The following ANGEL2 variants were observed in gnomAD, a reference collection of about 807,000 sequenced individuals.
The protein encoded by ANGEL2 is RNA 2',3'-cyclic phosphatase ANGEL2.
A neutral mutation model predicts 66.0 loss-of-function variants in ANGEL2; 41 were observed. That is an observed-to-expected ratio of 0.62 (90% CI 0.48 to 0.81). The LOEUF is 0.81. Ranked by LOEUF, ANGEL2 falls within the 30% of genes least tolerant of loss-of-function variation. The pLI, the probability that ANGEL2 is intolerant of heterozygous loss-of-function variation, is 0.00. For synonymous variants in ANGEL2, 208 were observed against 226.5 expected (o/e 0.92, Z 0.73); for missense variants, 561 against 641.6 (o/e 0.87, Z 1.36).
chr1:212,996,636 AAAAAATATATATAT>A (rs2076021457), intron 8 of ANGEL2, among the ~76,000 whole-genome samples: 2 of 41,948 alleles, frequency 4.8e-5, no homozygotes, highest in Admixed American at 8.0e-4. Context: ...AAAAAAAAAA[AAAAAATATATATAT>A]ATATATATAT....
rs2102681882 is a variant in ANGEL2 at position 212,994,392 on chromosome 1, G to C, written c.*649C>G. 6.6e-6 allele frequency: 1 copy of C among 152,332 alleles called. No individual in the cohort carries two copies. The highest frequency in any genetic ancestry group is 2.4e-5 in the African/African-American group (1 of 41,574). 9.4% of individuals were successfully genotyped at this position (152,332 alleles called of 1,614,324 possible). On this transcript the variant is annotated 3_prime_UTR_variant, in exon 9 of 9. Coordinates refer to ENST00000366962, the MANE Select transcript of ANGEL2 (RefSeq NM_144567.5). ...ACCTCTTGTCTGTTCCAGGGTGAAA[G>C]AGTGAGCTTTACACGTTATGCTGGC...
intron 1 of ANGEL2, 133 bp downstream of exon 1, chr1:213,015,480 T>G: frequency 6.8e-7 from 1 of 1,473,260 alleles, no homozygotes; most frequent in South Asian, 1.4e-5. Context: ...GGATGCACCA[T>G]CGCCCAGACC....
intron 5 of ANGEL2, among the ~76,000 whole-genome samples, chr1:213,002,462 T>A (rs2076202509): frequency 6.6e-6 from 1 of 152,230 alleles, no homozygotes; most frequent in Admixed American, 6.5e-5. Flanking sequence ...CCTAGGATTT[T>A]CAGAATGGTC....
Position 213,008,247 on chromosome 1 carries a change from G to A in ANGEL2, c.605C>T (p.Pro202Leu). Residue 202 changes from proline to leucine, a missense_variant, in exon 3 of 9, where the codon CCC becomes CTC. Pro to Leu is a moderately conservative substitution (Grantham distance 98, BLOSUM62 -3). Coordinates refer to ENST00000366962, the MANE Select transcript of ANGEL2 (RefSeq NM_144567.5). ...ATGTTTAATTTCTTTCAGAATATTG[G>A]GAAACCTAAAACTCCAGTGTAATAC... is the stretch of plus-strand genomic sequence containing the variant. ...RPVLHWSFRFPNILKEIKHFD... is the reference protein window; with the variant it reads ...RPVLHWSFRFLNILKEIKHFD... 6.2e-7 allele frequency: 1 copy of A among 1,613,680 alleles called. No homozygotes were observed. The highest frequency in any genetic ancestry group is 8.5e-7 in the Non-Finnish European group (1 of 1,179,832).
At chr1:213,014,519 G>A (rs1229041320) in intron 1 of ANGEL2, among the ~76,000 whole-genome samples, 2 of 152,208 alleles carry the variant, frequency 1.3e-5, no homozygotes, top group Admixed American at 1.3e-4. Flanking sequence ...AACTCTGAAA[G>A]CCATAGGAAT....
chr1:212,995,178 A>G lies in ANGEL2; in HGVS notation c.1498T>C (p.Leu500=), dbSNP rs780560284. Residue 500 remains leucine (L), a synonymous_variant, in exon 9 of 9, where the codon TTG becomes CTG. Coordinates refer to ENST00000366962, the MANE Select transcript of ANGEL2 (RefSeq NM_144567.5). ...GCTAGAAGTTTCAAGCCACCAACCA[A>G]AGCAACTTCAGCTCCTACATTAAAG... is the stretch of plus-strand genomic sequence containing the variant. ...VAGHPGAEVA[L]VGGLKLLARL... 6.2e-7 allele frequency: 1 copy of G among 1,604,416 alleles called. No individual in the cohort carries two copies. The highest frequency in any genetic ancestry group is 1.1e-5 in the South Asian group (1 of 89,186).
intron 8 of ANGEL2, among the ~76,000 whole-genome samples, chr1:212,996,868 AG>A (rs1231969143): frequency 6.6e-6 from 1 of 151,858 alleles, no homozygotes; most frequent in Admixed American, 6.6e-5. Flanking sequence ...GCAAAAAGAA[AG>A]GGCAATATGA....
intron 7 of ANGEL2, among the ~76,000 whole-genome samples, chr1:212,997,538 CAAT>C (rs1315541248): frequency 6.6e-6 from 1 of 152,142 alleles, no homozygotes. Flanking sequence ...AAAAAAAGCT[CAAT>C]AATTAACATA....
In ANGEL2 at chr1:213,005,334, A is replaced by G. The variant is rs991778465; in HGVS notation, c.833T>C (p.Ile278Thr). 14 of 1,614,272 alleles carry G rather than the reference A, an allele frequency of 8.7e-6. No homozygotes were observed. The East Asian group carries it at 2.0e-4, about 23-fold the overall frequency. ...VNPVEFFRPD[I>T]SLLDRDNVGL... ...AACATTGTCTCTGTCCAACAGAGAA[A>G]TATCAGGGCGGAAGAATTCCACTGG... Residue 278 changes from isoleucine (I) to threonine (T), a missense_variant, in exon 5 of 9, where the codon ATT becomes ACT. Ile to Thr is a moderately conservative substitution (Grantham distance 89, BLOSUM62 -1). Coordinates refer to ENST00000366962, the MANE Select transcript of ANGEL2 (RefSeq NM_144567.5).
chr1:213,015,380 C>T, intron 1 of ANGEL2: 1 of 1,414,006 alleles, frequency 7.1e-7, no homozygotes, highest in Non-Finnish European at 9.2e-7. Flanking sequence ...CCATGAACTC[C>T]GCGCCAAGAC....
At chr1:213,015,003 T>C (rs1026004229) in intron 1 of ANGEL2, 1 of 464,136 alleles carries the variant, frequency 2.2e-6, no homozygotes, top group Admixed American at 6.4e-5. Flanking sequence ...GTGAAGCTAA[T>C]GTGGGCAGCA....
Position 213,013,154 on chromosome 1 carries a change from G to A in ANGEL2, c.324C>T (p.Leu108=), listed in dbSNP as rs368220478. Residue 108 remains leucine (L), a synonymous_variant, in exon 2 of 9, where the codon CTC becomes CTT. Coordinates refer to ENST00000366962, the MANE Select transcript of ANGEL2 (RefSeq NM_144567.5). ...DNLSQTSLIH[L]SSYVMNAEGD... ...CCTCAGCGTTCATGACGTAACTAGA[G>A]AGATGAATCAAAGATGTCTGGCTCA... The A allele has an allele frequency of 6.2e-7, 1 of 1,614,158 alleles. No individual in the cohort carries two copies. Among genetic ancestry groups the A allele is most frequent in the Non-Finnish European group, 8.5e-7 (1 of 1,180,016 alleles).
At position 213,015,749 on chromosome 1, in the gene ANGEL2, T is replaced by C. The variant is rs1244632440; in HGVS notation, c.-78A>G. ...CTATAATCGATGCGACGGCCTAAAG[T>C]ATCTAGGGAACCCCATCACTCTTAA... is the stretch of plus-strand genomic sequence containing the variant. On this transcript the variant is annotated 5_prime_UTR_variant, in exon 1 of 9. In the 5' UTR this introduces an upstream ATG that the reference lacks. Transcript: ENST00000366962. 4 of 1,596,482 alleles carry C rather than the reference T, an allele frequency of 2.5e-6. No homozygotes were observed. In the African/African-American group the frequency reaches 4.0e-5, roughly 16 times the overall value.
chr1:213,013,815 A>G (rs1013817387), intron 1 of ANGEL2, among the ~76,000 whole-genome samples: 5 of 152,268 alleles, frequency 3.3e-5, no homozygotes, highest in African/African-American at 1.2e-4. Context: ...TAAGGAACTC[A>G]TATCACACTA....
rs1192278866 is a variant in ANGEL2, at chr1:213,015,613, C to T, written c.59G>A (p.Arg20Gln). The T allele has an allele frequency of 6.2e-6, 10 of 1,613,652 alleles. No homozygotes were observed. Among genetic ancestry groups the T allele is most frequent in the Admixed American group, 1.7e-5 (1 of 59,968 alleles). Residue 20 changes from arginine (R) to glutamine (Q), a missense_variant and splice_region_variant, in exon 1 of 9, where the codon CGA becomes CAA. By Grantham distance (43) the Arg-to-Gln change is conservative (BLOSUM62 1). Coordinates refer to ENST00000366962, the MANE Select transcript of ANGEL2 (RefSeq NM_144567.5). Reference sequence around the variant, plus strand: ...CCTCCGAGTACCCAGCCCTACTGACCGGCCTCTTCCCACCACACAGTGGCC... The same window carrying T: ...CCTCCGAGTACCCAGCCCTACTGACTGGCCTCTTCCCACCACACAGTGGCC... Reference protein sequence around the residue: ...GYGHCVVGRGRYPMFPHHSRS... With the variant: ...GYGHCVVGRGQYPMFPHHSRS...
chr1:213,015,776 T>G lies in ANGEL2; in HGVS notation c.-105A>C. ...TCTAGGGAACCCCATCACTCTTAAG[T>G]ACCGACTCCAGTCCTGGCTGCAAGG... is the stretch of plus-strand genomic sequence containing the variant. On this transcript the variant is annotated 5_prime_UTR_variant, in exon 1 of 9. Coordinates refer to ENST00000366962, the MANE Select transcript of ANGEL2 (RefSeq NM_144567.5). 5 of 1,470,844 alleles carry G rather than the reference T, an allele frequency of 3.4e-6. No individual in the cohort carries two copies. The highest frequency in any genetic ancestry group is 4.7e-6 in the Non-Finnish European group (5 of 1,060,822). The allele number at this position is 1,470,844 out of a possible 1,614,324, so 91.1% of individuals were successfully genotyped here. A position where few individuals can be genotyped will look rare whatever the true frequency, so the allele number is the denominator to read the frequency against.
intron 7 of ANGEL2, among the ~76,000 whole-genome samples, chr1:212,999,061 A>G (rs113033907): frequency 0.036 from 5,487 of 151,448 alleles, 303 homozygotes; most frequent in African/African-American, 0.13. Flanking sequence ...TTTAGTAAAG[A>G]TGGGGTTTCA....
Position 213,015,258 on chromosome 1 carries a change from T to C in ANGEL2, c.59+355A>G, listed in dbSNP as rs2076611873. On this transcript the variant is annotated intron_variant, in intron 1 of 8. Transcript: ENST00000366962. ...AGGCGGCCTCCCCGCCGACGCTCGG[T>C]TCCCGGGACGGTGCTGCGGAGTGTG... The C allele has an allele frequency of 4.6e-6, 5 of 1,090,692 alleles. No homozygotes were observed. The South Asian group carries it at 2.1e-4, about 45-fold the overall frequency. 67.6% of individuals were successfully genotyped at this position (1,090,692 alleles called of 1,614,324 possible). A position where few individuals can be genotyped will look rare whatever the true frequency, so the allele number is the denominator to read the frequency against.
chr1:212,997,030 C>T (rs6540771), intron 8 of ANGEL2, 125 bp downstream of exon 8: 54,495 of 867,910 alleles, frequency 0.063, 7,926 homozygotes, highest in African/African-American at 0.49. Flanking sequence ...CTGTCTATTT[C>T]GAAATATTTT....
Sources: gnomAD v4.1 joint callset for allele counts (sites outside exome capture counted in the v4.1 genomes callset) on GRCh38, gnomAD v4.1.1 for gene constraint, MANE v1.5 for transcripts, NCBI Gene and HGNC (gene_info 2026-07-23, HGNC 2026-07-21) for gene names.